Variants in OR5L2 observed in about 807,000 individuals in gnomAD.
The protein encoded by OR5L2 is olfactory receptor family 5 subfamily L member 2.
For synonymous variants in OR5L2, 175 were observed against 151.6 expected, an observed-to-expected ratio of 1.15 and a Z score of -1.13; for missense variants, 425 against 365.6, an observed-to-expected ratio of 1.16 and a Z score of -1.32.
chr11:55,828,051 A>G lies in OR5L2; in HGVS notation c.833A>G (p.Tyr278Cys), dbSNP rs547433377. ...GDVDKVATVF[Y>C]TVVIPMLNPL... ...GTTGACAAAGTGGCCACCGTGTTCT[A>G]CACAGTTGTGATTCCCATGCTGAAC... The change falls in exon 1 of 1, where the codon TAC (tyrosine) becomes TGC (cysteine). Residue 278 changes from tyrosine (Y) to cysteine (C), a missense_variant. Physicochemically the swap from Tyr to Cys is radical, Grantham distance 194. Coordinates refer to ENST00000378397, the MANE Select transcript of OR5L2 (RefSeq NM_001004739.1). 176 of 1,613,794 alleles carry G rather than the reference A, an allele frequency of 1.1e-4. 3 individuals carry two copies. In the South Asian group the frequency reaches 1.8e-3, roughly 17 times the overall value.
rs1363923203 is a variant in OR5L2 at position 55,827,466 on chromosome 11, C to G, written c.248C>G (p.Ala83Gly). The G allele has an allele frequency of 6.2e-7, 1 of 1,613,990 alleles. No homozygotes were observed. The highest frequency in any genetic ancestry group is 1.7e-5 in the Admixed American group (1 of 59,998). Residue 83 changes from alanine (A) to glycine (G), a missense_variant, in exon 1 of 1, where the codon GCT becomes GGT. Ala to Gly is a moderately conservative substitution (Grantham distance 60). Transcript: ENST00000378397. ...TCAATAATTGTGCCAAAGATGTTGG[C>G]TAATATCTTTAACAAGGACAAAGCC... ...YSSIIVPKML[A>G]NIFNKDKAIS...
Position 55,827,270 on chromosome 11 carries a change from T to C in OR5L2, c.52T>C (p.Ser18Pro), listed in dbSNP as rs756519558. The C allele has an allele frequency of 7.4e-6, 12 of 1,613,826 alleles. No individual in the cohort carries two copies. The Admixed American group carries it at 1.8e-4, about 25-fold the overall frequency. ...TVAEFILLGL[S>P]DVPELRVCLF... ...GGCTGAGTTCATTCTCCTTGGACTATCAGATGTCCCTGAGTTGAGAGTCTG... is the reference window on the plus strand; with the variant it reads ...GGCTGAGTTCATTCTCCTTGGACTACCAGATGTCCCTGAGTTGAGAGTCTG... Residue 18 changes from serine to proline, a missense_variant, in exon 1 of 1, where the codon TCA becomes CCA. Transcript: ENST00000378397.
chr11:55,827,608 G>A lies in OR5L2; in HGVS notation c.390G>A (p.Leu130=). 6.2e-7 allele frequency: 1 copy of A among 1,613,892 alleles called. No homozygotes were observed. Among genetic ancestry groups the A allele is most frequent in the Non-Finnish European group, 8.5e-7 (1 of 1,179,994 alleles). Residue 130 remains leucine (L), a synonymous_variant, in exon 1 of 1, where the codon CTG becomes CTA. Coordinates refer to ENST00000378397, the MANE Select transcript of OR5L2 (RefSeq NM_001004739.1). ...YDRFVAICNP[L]LYMVTMSQKL... ...GCTTTGTGGCCATCTGTAACCCCCT[G>A]CTGTACATGGTGACCATGTCTCAGA...
In OR5L2 at chr11:55,827,825, G is replaced by T. The variant is rs145201244; in HGVS notation, c.607G>T (p.Ala203Ser). 6.2e-7 allele frequency: 1 copy of T among 1,613,686 alleles called. No homozygotes were observed. Among genetic ancestry groups the T allele is most frequent in the South Asian group, 1.1e-5 (1 of 91,072 alleles). Residue 203 changes from alanine (A) to serine (S), a missense_variant, in exon 1 of 1, where the codon GCC becomes TCC. Coordinates refer to ENST00000378397, the MANE Select transcript of OR5L2 (RefSeq NM_001004739.1). ...TVNETLLFLV[A>S]TLNESVTIMI... is the part of the protein sequence containing the mutation. ...GAATGAGACACTGCTGTTCCTGGTG[G>T]CCACTTTGAATGAGAGTGTTACCAT...
chr11:55,827,991 T>C lies in OR5L2; in HGVS notation c.773T>C (p.Ile258Thr), dbSNP rs1212275897. 6.2e-7 allele frequency: 1 copy of C among 1,613,666 alleles called. No homozygotes were observed. The highest frequency in any genetic ancestry group is 1.3e-5 in the African/African-American group (1 of 74,724). Residue 258 changes from isoleucine (I) to threonine (T), a missense_variant, in exon 1 of 1, where the codon ATT (isoleucine) becomes ACT (threonine). By Grantham distance (89) the Ile-to-Thr change is moderately conservative. Coordinates refer to ENST00000378397, the MANE Select transcript of OR5L2 (RefSeq NM_001004739.1). ...GTCTCCCATGGAACAATCCTTTACATTTATTGCAGGCCGAGTTCAGGCAAC... is the reference window on the plus strand; with the variant it reads ...GTCTCCCATGGAACAATCCTTTACACTTATTGCAGGCCGAGTTCAGGCAAC... ...ITVSHGTILY[I>T]YCRPSSGNSG...
In OR5L2 at chr11:55,828,065, C is replaced by G; in HGVS notation, c.847C>G (p.Pro283Ala). 6.2e-7 allele frequency: 1 copy of G among 1,613,730 alleles called. No homozygotes were observed. Among genetic ancestry groups the G allele is most frequent in the East Asian group, 2.2e-5 (1 of 44,860 alleles). The change falls in exon 1 of 1, where the codon CCC becomes GCC. Residue 283 changes from proline to alanine, a missense_variant. Coordinates refer to ENST00000378397, the MANE Select transcript of OR5L2 (RefSeq NM_001004739.1). The part of the protein sequence containing the change: ...VATVFYTVVI[P>A]MLNPLIYSLR... ...CACCGTGTTCTACACAGTTGTGATT[C>G]CCATGCTGAACCCCCTGATCTACAG...
Position 55,828,044 on chromosome 11 carries a change from G to A in OR5L2, c.826G>A (p.Val276Met), listed in dbSNP as rs1244719905. ...NSGDVDKVAT[V>M]FYTVVIPMLN... Reference sequence around the variant, plus strand: ...TGGAGATGTTGACAAAGTGGCCACCGTGTTCTACACAGTTGTGATTCCCAT... The same window carrying A: ...TGGAGATGTTGACAAAGTGGCCACCATGTTCTACACAGTTGTGATTCCCAT... The change falls in exon 1 of 1, where the codon GTG becomes ATG. Residue 276 changes from valine (V) to methionine (M), a missense_variant. By Grantham distance (21) the Val-to-Met change is conservative. Transcript: ENST00000378397. The A allele has an allele frequency of 9.3e-6, 15 of 1,613,762 alleles. No individual in the cohort carries two copies. Among genetic ancestry groups the A allele is most frequent in the South Asian group, 3.3e-5 (3 of 91,084 alleles).
rs140726814 is a variant in OR5L2, at chr11:55,827,670, G to C, written c.452G>C (p.Cys151Ser). The change falls in exon 1 of 1, where the codon TGT (cysteine) becomes TCT (serine). Residue 151 changes from cysteine to serine, a missense_variant. Cys to Ser is a moderately radical substitution (Grantham distance 112). Coordinates refer to ENST00000378397, the MANE Select transcript of OR5L2 (RefSeq NM_001004739.1). Reference sequence around the variant, plus strand: ...GAGCTGACCTCTTGCTGCTACTTCTGTGGGACGGTGTGTTCTCTGATTCAC... The same window carrying C: ...GAGCTGACCTCTTGCTGCTACTTCTCTGGGACGGTGTGTTCTCTGATTCAC... ...RVELTSCCYF[C>S]GTVCSLIHSS... is the part of the protein sequence containing the mutation. 6.2e-7 allele frequency: 1 copy of C among 1,613,690 alleles called. No individual in the cohort carries two copies. The highest frequency in any genetic ancestry group is 1.3e-5 in the African/African-American group (1 of 74,642).
In OR5L2 at chr11:55,828,010, A is replaced by G; in HGVS notation, c.792A>G (p.Ser264=). ...TTTACATTTATTGCAGGCCGAGTTCAGGCAACAGTGGAGATGTTGACAAAG... is the reference window on the plus strand; with the variant it reads ...TTTACATTTATTGCAGGCCGAGTTCGGGCAACAGTGGAGATGTTGACAAAG... ...TILYIYCRPS[S]GNSGDVDKVA... Residue 264 remains serine, a synonymous_variant, in exon 1 of 1, where the codon TCA becomes TCG. Transcript: ENST00000378397. 6.2e-7 allele frequency: 1 copy of G among 1,613,870 alleles called. No individual in the cohort carries two copies. The highest frequency in any genetic ancestry group is 2.2e-5 in the East Asian group (1 of 44,866).
Position 55,827,762 on chromosome 11 carries a change from C to A in OR5L2, c.544C>A (p.Pro182Thr), listed in dbSNP as rs1853909065. 1 of 1,613,850 alleles carries A rather than the reference C, an allele frequency of 6.2e-7. No homozygotes were observed. Residue 182 changes from proline to threonine, a missense_variant, in exon 1 of 1, where the codon CCC becomes ACC. By Grantham distance (38) the Pro-to-Thr change is conservative. Coordinates refer to ENST00000378397, the MANE Select transcript of OR5L2 (RefSeq NM_001004739.1). ...NVINHFFCDL[P>T]PLLSLACSDV... ...GATTAACCACTTCTTCTGTGATCTA[C>A]CCCCTCTCCTAAGTCTTGCTTGCTC...
In OR5L2 at chr11:55,827,974, T is replaced by C. The variant is rs764842311; in HGVS notation, c.756T>C (p.His252=). 13 of 1,613,892 alleles carry C rather than the reference T, an allele frequency of 8.1e-6. No homozygotes were observed. Among genetic ancestry groups the C allele is most frequent in the Non-Finnish European group, 1.1e-5 (13 of 1,179,960 alleles). ...ASHLTAITVS[H]GTILYIYCRP... ...ACCTCACAGCCATCACTGTCTCCCA[T>C]GGAACAATCCTTTACATTTATTGCA... is the stretch of plus-strand genomic sequence containing the variant. Residue 252 remains histidine (H), a synonymous_variant, in exon 1 of 1, where the codon CAT becomes CAC. Coordinates refer to ENST00000378397, the MANE Select transcript of OR5L2 (RefSeq NM_001004739.1).
chr11:55,827,806 G>T lies in OR5L2; in HGVS notation c.588G>T (p.Glu196Asp). The T allele has an allele frequency of 6.2e-7, 1 of 1,613,904 alleles. No individual in the cohort carries two copies. The highest frequency in any genetic ancestry group is 8.5e-7 in the Non-Finnish European group (1 of 1,179,988). Residue 196 changes from glutamate to aspartate, a missense_variant, in exon 1 of 1, where the codon GAG (glutamate) becomes GAT (aspartate). Transcript: ENST00000378397. ...SLACSDVTVN[E>D]TLLFLVATLN... ...CTTGCTCTGATGTCACTGTGAATGA[G>T]ACACTGCTGTTCCTGGTGGCCACTT...
rs749085084 is a variant in OR5L2, at chr11:55,827,552, G to A, written c.334G>A (p.Val112Ile). 1 of 1,612,372 alleles carries A rather than the reference G, an allele frequency of 6.2e-7. No individual in the cohort carries two copies. Among genetic ancestry groups the A allele is most frequent in the Non-Finnish European group, 8.5e-7 (1 of 1,178,714 alleles). Residue 112 changes from valine to isoleucine, a missense_variant, in exon 1 of 1, where the codon GTC becomes ATC. Physicochemically the swap from Val to Ile is conservative, Grantham distance 29 (BLOSUM62 3). Coordinates refer to ENST00000378397, the MANE Select transcript of OR5L2 (RefSeq NM_001004739.1). ...GTTTTGCACATGTGGAGTCACTGAG[G>A]TCTTCCTGCTGGCCGTGATGGCCTA... ...YLFCTCGVTEVFLLAVMAYDR... is the reference protein window; with the variant it reads ...YLFCTCGVTEIFLLAVMAYDR...
At position 55,827,614 on chromosome 11, in the gene OR5L2, C is replaced by T. The variant is rs141528037; in HGVS notation, c.396C>T (p.Tyr132=). The change falls in exon 1 of 1, where the codon TAC becomes TAT. Residue 132 remains tyrosine, a synonymous_variant. Coordinates refer to ENST00000378397, the MANE Select transcript of OR5L2 (RefSeq NM_001004739.1). ...TGGCCATCTGTAACCCCCTGCTGTA[C>T]ATGGTGACCATGTCTCAGAAGCTGC... is the stretch of plus-strand genomic sequence containing the variant. The part of the protein sequence containing the change: ...RFVAICNPLL[Y]MVTMSQKLRV... 3.7e-6 allele frequency: 6 copies of T among 1,613,792 alleles called. No homozygotes were observed. The African/African-American group carries it at 4.0e-5, about 11-fold the overall frequency.
In OR5L2 at chr11:55,828,012, G is replaced by T. The variant is rs143008940; in HGVS notation, c.794G>T (p.Gly265Val). ...ILYIYCRPSS[G>V]NSGDVDKVAT... is the part of the protein sequence containing the mutation. ...TACATTTATTGCAGGCCGAGTTCAG[G>T]CAACAGTGGAGATGTTGACAAAGTG... The change falls in exon 1 of 1, where the codon GGC becomes GTC. Residue 265 changes from glycine (G) to valine (V), a missense_variant. By Grantham distance (109) the Gly-to-Val change is moderately radical (BLOSUM62 -3). Coordinates refer to ENST00000378397, the MANE Select transcript of OR5L2 (RefSeq NM_001004739.1). 58 of 1,613,596 alleles carry T rather than the reference G, an allele frequency of 3.6e-5. No homozygotes were observed. The highest frequency in any genetic ancestry group is 4.7e-5 in the Non-Finnish European group (55 of 1,179,928).
Position 55,827,664 on chromosome 11 carries a change from A to T in OR5L2, c.446A>T (p.Tyr149Phe), listed in dbSNP as rs779917794. 7 of 1,613,662 alleles carry T rather than the reference A, an allele frequency of 4.3e-6. No individual in the cohort carries two copies. The highest frequency in any genetic ancestry group is 5.9e-6 in the Non-Finnish European group (7 of 1,179,982). The stretch of plus-strand genomic sequence containing the variant: ...CGTGTGGAGCTGACCTCTTGCTGCT[A>T]CTTCTGTGGGACGGTGTGTTCTCTG... The part of the protein sequence containing the change: ...KLRVELTSCC[Y>F]FCGTVCSLIH... Residue 149 changes from tyrosine (Y) to phenylalanine (F), a missense_variant, in exon 1 of 1, where the codon TAC (tyrosine) becomes TTC (phenylalanine). Transcript: ENST00000378397.
rs112459888 is a variant in OR5L2 at position 55,828,004 on chromosome 11, G to C, written c.786G>C (p.Pro262=). Residue 262 remains proline (P), a synonymous_variant, in exon 1 of 1, where the codon CCG becomes CCC. Transcript: ENST00000378397. ...HGTILYIYCR[P]SSGNSGDVDK... ...CAATCCTTTACATTTATTGCAGGCC[G>C]AGTTCAGGCAACAGTGGAGATGTTG... 1.2e-6 allele frequency: 2 copies of C among 1,613,664 alleles called. No homozygotes were observed. The highest frequency in any genetic ancestry group is 1.7e-5 in the Admixed American group (1 of 59,948).
rs142870159 is a variant in OR5L2 at position 55,827,768 on chromosome 11, C to A, written c.550C>A (p.Leu184Ile). 13 of 1,613,840 alleles carry A rather than the reference C, an allele frequency of 8.1e-6. No individual in the cohort carries two copies. Among genetic ancestry groups the A allele is most frequent in the Non-Finnish European group, 1.1e-5 (13 of 1,180,014 alleles). Residue 184 changes from leucine (L) to isoleucine (I), a missense_variant, in exon 1 of 1, where the codon CTC becomes ATC. Leu to Ile is a conservative substitution (Grantham distance 5). Transcript: ENST00000378397. The stretch of plus-strand genomic sequence containing the variant: ...CCACTTCTTCTGTGATCTACCCCCT[C>A]TCCTAAGTCTTGCTTGCTCTGATGT... ...INHFFCDLPP[L>I]LSLACSDVTV...
At position 55,827,461 on chromosome 11, in the gene OR5L2, G is replaced by C. The variant is rs2134474749; in HGVS notation, c.243G>C (p.Met81Ile). Residue 81 changes from methionine to isoleucine, a missense_variant, in exon 1 of 1, where the codon ATG becomes ATC. Transcript: ENST00000378397. ...ACTCCTCAATAATTGTGCCAAAGAT[G>C]TTGGCTAATATCTTTAACAAGGACA... Reference protein sequence around the residue: ...FCYSSIIVPKMLANIFNKDKA... With the variant: ...FCYSSIIVPKILANIFNKDKA... 6.2e-7 allele frequency: 1 copy of C among 1,613,996 alleles called. No homozygotes were observed. The highest frequency in any genetic ancestry group is 8.5e-7 in the Non-Finnish European group (1 of 1,180,008).
Sources: gnomAD v4.1 joint callset for allele counts on GRCh38, gnomAD v4.1.1 for gene constraint, MANE v1.5 for transcripts, NCBI Gene and HGNC (gene_info 2026-07-23, HGNC 2026-07-21) for gene names.